LHFPL6: variants seen among roughly 807,000 people sequenced by gnomAD.
LHFPL6 encodes LHFPL tetraspan subfamily member 6.
In LHFPL6, 9 loss-of-function variants were observed where a neutral mutation model predicts 20.6. That is an observed-to-expected ratio of 0.44 (90% CI 0.26 to 0.76). The LOEUF is 0.76. Ranked by LOEUF, LHFPL6 falls within the 30% of genes least tolerant of loss-of-function variation. The probability of loss-of-function intolerance (pLI) is 0.20; values close to 1 mark genes in which losing one functional copy is unlikely to be tolerated. For synonymous variants in LHFPL6, 105 were observed against 98.7 expected (o/e 1.06, Z -0.38); for missense variants, 218 against 253.5 (o/e 0.86, Z 0.95).
At chr13:39,443,764 T>C (rs1342550962) in intron 2 of LHFPL6, among the ~76,000 whole-genome samples, 2 of 151,852 alleles carry the variant, frequency 1.3e-5, no homozygotes, top group Admixed American at 6.6e-5. Flanking sequence ...GTGAAAGTAA[T>C]ACGCATTCAA....
chr13:39,512,120 G>A (rs555010335), intron 2 of LHFPL6, among the ~76,000 whole-genome samples: 1 of 152,294 alleles, frequency 6.6e-6, no homozygotes, highest in Admixed American at 6.5e-5. Context: ...TAAAGATAAT[G>A]TCAAGTCTTA....
intron 2 of LHFPL6, among the ~76,000 whole-genome samples, chr13:39,510,852 A>G (rs747250016): frequency 6.8e-6 from 1 of 147,970 alleles, no homozygotes; most frequent in Non-Finnish European, 1.5e-5. Flanking sequence ...AATTACTGGT[A>G]TTTGTAATCA....
intron 2 of LHFPL6, among the ~76,000 whole-genome samples, chr13:39,531,220 T>C (rs994869604): frequency 6.6e-6 from 1 of 152,204 alleles, no homozygotes; most frequent in African/African-American, 2.4e-5. Flanking sequence ...ATGTAGACCA[T>C]ACCCTAGTGA....
In LHFPL6 at chr13:39,523,295, C is replaced by A. The variant is rs193230481; in HGVS notation, c.385+77537G>T. 2.8e-3 allele frequency among the ~76,000 whole-genome samples: 422 copies of A among 152,244 alleles called. 2 individuals are homozygous for A. Among genetic ancestry groups the A allele is most frequent in the Admixed American group, 5.2e-3 (80 of 15,306 alleles). Reference sequence around the variant, plus strand: ...TACTAAAAAGTTAGTGCAGGCCAGGCGCGGTGGCTCACGCCTGTAATCCCA... The same window carrying A: ...TACTAAAAAGTTAGTGCAGGCCAGGAGCGGTGGCTCACGCCTGTAATCCCA... On this transcript the variant is annotated intron_variant, in intron 2 of 3. Transcript: ENST00000379589.
chr13:39,453,114 C>G (rs938426813), intron 2 of LHFPL6, among the ~76,000 whole-genome samples: 7 of 152,188 alleles, frequency 4.6e-5, no homozygotes, highest in Non-Finnish European at 8.8e-5. Flanking sequence ...CAGAAGAACA[C>G]AGAAGGCCGT....
intron 2 of LHFPL6, among the ~76,000 whole-genome samples, chr13:39,481,793 T>C (rs1352765381): frequency 2.0e-5 from 3 of 152,148 alleles, no homozygotes; most frequent in South Asian, 2.1e-4. Context: ...TAAAAATTCA[T>C]TGCAAGATTT....
intron 3 of LHFPL6, among the ~76,000 whole-genome samples, chr13:39,354,628 C>T (rs573286288): frequency 2.0e-5 from 3 of 152,016 alleles, no homozygotes; most frequent in South Asian, 2.1e-4. Flanking sequence ...AAATCCAACC[C>T]GAGGAAACCA....
At chr13:39,512,828 AAG>A (rs1869772199) in intron 2 of LHFPL6, among the ~76,000 whole-genome samples, 2 of 152,216 alleles carry the variant, frequency 1.3e-5, no homozygotes, top group African/African-American at 4.8e-5. Flanking sequence ...AGTATCTATT[AAG>A]AGAGTCTCTC....
At chr13:39,456,483 T>G (rs942837070) in intron 2 of LHFPL6, among the ~76,000 whole-genome samples, 2 of 152,208 alleles carry the variant, frequency 1.3e-5, no homozygotes, top group Non-Finnish European at 2.9e-5. Context: ...TATTAATATA[T>G]TGAATACAAC....
intron 2 of LHFPL6, among the ~76,000 whole-genome samples, chr13:39,521,251 T>A (rs543795910): frequency 6.6e-6 from 1 of 152,182 alleles, no homozygotes; most frequent in African/African-American, 2.4e-5. Context: ...GACTACCTAT[T>A]TTTAAACTAC....
At chr13:39,450,887 T>C (rs994094181) in intron 2 of LHFPL6, among the ~76,000 whole-genome samples, 1 of 152,176 alleles carries the variant, frequency 6.6e-6, no homozygotes, top group African/African-American at 2.4e-5. Flanking sequence ...GTAGGGACCC[T>C]GAACTGCAAA....
At chr13:39,526,983 C>T (rs1019201935) in intron 2 of LHFPL6, among the ~76,000 whole-genome samples, 2 of 152,140 alleles carry the variant, frequency 1.3e-5, no homozygotes, top group African/African-American at 4.8e-5. Flanking sequence ...TTCAAAATGA[C>T]ATAATTAACA....
chr13:39,410,445 A>G (rs894171297), intron 2 of LHFPL6, among the ~76,000 whole-genome samples: 4 of 152,188 alleles, frequency 2.6e-5, no homozygotes, highest in Non-Finnish European at 5.9e-5. Context: ...CACCACCACT[A>G]AACTTGAAAA....
chr13:39,397,484 T>C (rs1316069581), intron 2 of LHFPL6, among the ~76,000 whole-genome samples: 3 of 152,244 alleles, frequency 2.0e-5, no homozygotes, highest in Admixed American at 2.0e-4. Flanking sequence ...TATATTTAAA[T>C]AGCTTCTTTC....
chr13:39,460,883 A>C (rs570368580), intron 2 of LHFPL6, among the ~76,000 whole-genome samples: 6 of 152,146 alleles, frequency 3.9e-5, no homozygotes, highest in African/African-American at 1.2e-4. Flanking sequence ...GGTTTGTTAC[A>C]TGGGTAAATT....
intron 2 of LHFPL6, among the ~76,000 whole-genome samples, chr13:39,591,194 T>C (rs1202741766): frequency 1.3e-5 from 2 of 152,118 alleles, no homozygotes; most frequent in Non-Finnish European, 2.9e-5. Context: ...GAAAAACTGA[T>C]AAATTTGGCA....
chr13:39,453,722 A>G (rs1482402082), intron 2 of LHFPL6, among the ~76,000 whole-genome samples: 1 of 152,222 alleles, frequency 6.6e-6, no homozygotes, highest in East Asian at 1.9e-4. Context: ...TTCCCTGGGC[A>G]GGTAGTCCAT....
At chr13:39,365,738 A>G (rs547542848) in intron 3 of LHFPL6, among the ~76,000 whole-genome samples, 3 of 152,286 alleles carry the variant, frequency 2.0e-5, no homozygotes, top group East Asian at 3.9e-4. Context: ...TGGACGACCA[A>G]CTTCTTGAAT....
In LHFPL6 at chr13:39,343,588, GTA is replaced by G. The variant is rs2138329913; in HGVS notation, c.*346_*347del. On this transcript the variant is annotated 3_prime_UTR_variant, in exon 4 of 4. Coordinates refer to ENST00000379589, the MANE Select transcript of LHFPL6 (RefSeq NM_005780.3). ...AAAACTAAAACCCAAACCCTTGTTT[GTA>G]TATGTAGATTTGTTGTGTGTGTGTG... 1 of 227,256 alleles carries G rather than the reference GTA, an allele frequency of 4.4e-6. No individual in the cohort carries two copies. The highest frequency in any genetic ancestry group is 6.1e-5 in the Admixed American group (1 of 16,480). The allele number at this position is 227,256 out of a possible 1,614,324, so 14.1% of individuals were successfully genotyped here.
Sources: allele counts gnomAD v4.1 joint callset (sites outside exome capture counted in the v4.1 genomes callset), GRCh38; gene constraint gnomAD v4.1.1; transcripts MANE v1.5; gene names NCBI Gene and HGNC (gene_info 2026-07-23, HGNC 2026-07-21).